Variants in EHMT1 observed in about 807,000 individuals in gnomAD.
EHMT1 encodes the protein histone-lysine N-methyltransferase EHMT1.
A neutral mutation model predicts 147.2 loss-of-function variants in EHMT1; 15 were observed. The ratio of observed to expected loss-of-function variants is 0.10; its 90% CI spans 0.07 to 0.16. The LOEUF (loss-of-function observed/expected upper bound fraction) is 0.16, where lower values mean the gene tolerates loss of function less well. Ranked by LOEUF, EHMT1 falls within the 10% of genes least tolerant of loss-of-function variation. The pLI is 1.00. For missense variants in EHMT1, 1,587 were observed against 1,772.4 expected, an observed-to-expected ratio of 0.90 and a Z score of 1.88; for synonymous variants, 795 against 709.6, an observed-to-expected ratio of 1.12 and a Z score of -1.91.
intron 25 of EHMT1, chr9:137,820,022 T>G (rs900594700): frequency 6.6e-6 from 1 of 151,912 alleles, no homozygotes; most frequent in African/African-American, 2.4e-5. Flanking sequence ...GAAATAAAGG[T>G]TTTTCTCATC....
chr9:137,758,274 G>A (rs549307426), intron 9 of EHMT1, among the ~76,000 whole-genome samples: 10 of 152,246 alleles, frequency 6.6e-5, no homozygotes, highest in African/African-American at 1.7e-4. Context: ...ATCTCCCTCC[G>A]TGGGTCAGGC....
intron 3 of EHMT1, among the ~76,000 whole-genome samples, chr9:137,725,650 T>C (rs542765736): frequency 1.4e-4 from 21 of 152,228 alleles, no homozygotes; most frequent in African/African-American, 5.1e-4. Flanking sequence ...TCTGGCAGTT[T>C]AGTGTGGGCT....
chr9:137,759,667 G>T (rs764209875), intron 9 of EHMT1, among the ~76,000 whole-genome samples: 51 of 152,244 alleles, frequency 3.3e-4, no homozygotes, highest in Admixed American at 6.5e-4. Context: ...GATCAGCGCC[G>T]ATTGGTCAGT....
At chr9:137,735,687 G>A (rs1281803949) in intron 4 of EHMT1, among the ~76,000 whole-genome samples, 1 of 152,198 alleles carries the variant, frequency 6.6e-6, no homozygotes, top group Non-Finnish European at 1.5e-5. Context: ...GTGAGGTGGG[G>A]CCTAGCTTGA....
intron 1 of EHMT1, among the ~76,000 whole-genome samples, chr9:137,674,741 AGGCTTGTGTGGGTCACCACAG>A (rs1237422349): frequency 1.3e-5 from 2 of 152,232 alleles, no homozygotes; most frequent in Non-Finnish European, 2.9e-5. Flanking sequence ...AGTGGGAGGC[AGGCTTGTGTGGGTCACCACAG>A]GGCAGCCCGT....
At chr9:137,666,135 C>T (rs536662890) in intron 1 of EHMT1, 1 of 152,418 alleles carries the variant, frequency 6.6e-6, no homozygotes, top group South Asian at 2.1e-4. Context: ...AGCAGGGACG[C>T]TTGCTGTGAT....
intron 18 of EHMT1, chr9:137,802,386 C>T (rs1953569067): frequency 5.0e-6 from 2 of 398,476 alleles, no homozygotes; most frequent in Non-Finnish European, 8.8e-6. Context: ...CTGTAGCCCA[C>T]AGAGCTGTGT....
chr9:137,709,651 C>A (rs1251087558), intron 1 of EHMT1, among the ~76,000 whole-genome samples: 3 of 141,634 alleles, frequency 2.1e-5, no homozygotes, highest in Non-Finnish European at 4.5e-5. Context: ...CGCTGGACAC[C>A]CGGGTTTTTG....
chr9:137,811,377 C>T, intron 18 of EHMT1, 84 bp from the exon 19 acceptor site: 1 of 1,591,158 alleles, frequency 6.3e-7, no homozygotes, highest in Non-Finnish European at 8.6e-7. Context: ...TCCCCGGGCA[C>T]ATGGGCTGCA....
intron 4 of EHMT1, among the ~76,000 whole-genome samples, chr9:137,729,069 C>T (rs1179757309): frequency 6.6e-6 from 1 of 152,168 alleles, no homozygotes; most frequent in Non-Finnish European, 1.5e-5. Context: ...ACCGGGACCT[C>T]AGAGTGAGCG....
chr9:137,687,064 C>G (rs1212512167), intron 1 of EHMT1, among the ~76,000 whole-genome samples: 1 of 152,108 alleles, frequency 6.6e-6, no homozygotes, highest in Non-Finnish European at 1.5e-5. Context: ...ATCCAGTTGC[C>G]CCAGCAACAT....
At chr9:137,765,435 G>T (rs571412694) in intron 10 of EHMT1, among the ~76,000 whole-genome samples, 2 of 152,112 alleles carry the variant, frequency 1.3e-5, no homozygotes, top group Non-Finnish European at 2.9e-5. Flanking sequence ...TCAATGTGTG[G>T]TAAGCTTTTT....
chr9:137,698,440 G>A (rs567393450), intron 1 of EHMT1, among the ~76,000 whole-genome samples: 1 of 152,332 alleles, frequency 6.6e-6, no homozygotes, highest in East Asian at 1.9e-4. Context: ...TCTCTTTAGT[G>A]GGTGAGAAAG....
chr9:137,718,750 TTTTC>T (rs919803168), intron 3 of EHMT1, among the ~76,000 whole-genome samples: 4 of 150,296 alleles, frequency 2.7e-5, no homozygotes, highest in Admixed American at 1.3e-4. Flanking sequence ...CTCTTTTTCT[TTTTC>T]TTTTTCTTTT....
In EHMT1 at chr9:137,744,082, G is replaced by C. The variant is rs11137198; in HGVS notation, c.1162G>C (p.Ala388Pro). The change falls in exon 6 of 27, where the codon GCC becomes CCC. Residue 388 changes from alanine (A) to proline (P), a missense_variant. Physicochemically the swap from Ala to Pro is conservative, Grantham distance 27. Around this residue, in one of 7 missense-constraint regions of EHMT1, gnomAD observed 810 missense variants for 673.0 expected, o/e 1.20. Transcript: ENST00000460843. ...SKESMSEADRAQKMDGESEEE... is the reference protein window; with the variant it reads ...SKESMSEADRPQKMDGESEEE... Reference sequence around the variant, plus strand: ...GGAGAGCATGTCGGAGGCTGATCGCGCCCAGAAGGTATGTGTTGCTGTCTT... The same window carrying C: ...GGAGAGCATGTCGGAGGCTGATCGCCCCCAGAAGGTATGTGTTGCTGTCTT... The C allele has an allele frequency of 1.9e-6, 3 of 1,614,002 alleles. No homozygotes were observed. Among genetic ancestry groups the C allele is most frequent in the Non-Finnish European group, 2.5e-6 (3 of 1,180,038 alleles).
At chr9:137,660,061 G>A (rs1284991438) in intron 1 of EHMT1, among the ~76,000 whole-genome samples, 3 of 151,846 alleles carry the variant, frequency 2.0e-5, no homozygotes, top group Non-Finnish European at 4.4e-5. Flanking sequence ...TCATGTGCCG[G>A]TGTGGTGGCT....
chr9:137,814,752 A>T, intron 22 of EHMT1: 44 of 572,950 alleles, frequency 7.7e-5, no homozygotes, highest in East Asian at 1.2e-4. Flanking sequence ...GGCTGCCTGG[A>T]TGGTGGCGGG....
chr9:137,644,093 C>T (rs1844707537), intron 1 of EHMT1, among the ~76,000 whole-genome samples: 1 of 152,160 alleles, frequency 6.6e-6, no homozygotes, highest in Admixed American at 6.5e-5. Context: ...GTGGCAGTAG[C>T]AGTACGGTGA....
intron 1 of EHMT1, among the ~76,000 whole-genome samples, chr9:137,632,595 G>A (rs1009528025): frequency 1.3e-5 from 2 of 152,112 alleles, no homozygotes; most frequent in Admixed American, 1.3e-4. Flanking sequence ...GTAGAGACAG[G>A]GTTTCACAAT....
Sources: allele counts gnomAD v4.1 joint callset (sites outside exome capture counted in the v4.1 genomes callset), GRCh38; gene constraint gnomAD v4.1.1; regional missense constraint gnomAD v4.1.1; transcripts MANE v1.5; gene names NCBI Gene and HGNC (gene_info 2026-07-23, HGNC 2026-07-21).